CDH18: variants seen among roughly 807,000 people sequenced by gnomAD.
The protein encoded by CDH18 is cadherin 18.
Under a neutral mutation model 67.9 loss-of-function variants are expected in CDH18, and 31 were observed. That is an observed-to-expected ratio of 0.46 (90% CI 0.34 to 0.62). The LOEUF (loss-of-function observed/expected upper bound fraction) is 0.62, where lower values mean the gene tolerates loss of function less well. Among genes scored for constraint, CDH18 ranks in the 20% least tolerant of loss-of-function variants. The pLI, the probability that CDH18 is intolerant of heterozygous loss-of-function variation, is 0.01. For synonymous variants in CDH18, 362 were observed against 347.2 expected, an observed-to-expected ratio of 1.04 and a Z score of -0.48; for missense variants, 890 against 975.5, an observed-to-expected ratio of 0.91 and a Z score of 1.17.
intron 2 of CDH18, among the ~76,000 whole-genome samples, chr5:19,858,621 G>A (rs999724292): frequency 2.6e-5 from 4 of 152,154 alleles, no homozygotes; most frequent in African/African-American, 9.7e-5. Context: ...GTGAGAAAGT[G>A]AAGATAAAGT....
In CDH18 at chr5:20,536,696, A is replaced by C. The variant is rs140581654; in HGVS notation, c.-580+38766T>G. Among the ~76,000 whole-genome samples, 122 of 152,280 alleles carry C rather than the reference A, an allele frequency of 8.0e-4. 1 individual carries two copies. Among genetic ancestry groups the C allele is most frequent in the African/African-American group, 2.6e-3 (109 of 41,566 alleles). On this transcript the variant is annotated intron_variant, in intron 1 of 14. Coordinates refer to the CDH18 transcript ENST00000507958. ...CAGAAAAGGCTTTCAACTTAGAGAA[A>C]ATAGACAGCACAGAACATCCACTGG...
chr5:20,017,800 T>C (rs957255747), intron 2 of CDH18, among the ~76,000 whole-genome samples: 7 of 152,140 alleles, frequency 4.6e-5, no homozygotes, highest in East Asian at 1.9e-4. Context: ...GGATGAAAAC[T>C]TTTCTCTTAG....
At chr5:20,046,356 T>C (rs926692661) in intron 2 of CDH18, among the ~76,000 whole-genome samples, 1 of 151,938 alleles carries the variant, frequency 6.6e-6, no homozygotes, top group Non-Finnish European at 1.5e-5. Flanking sequence ...CCATTGGGCA[T>C]GGCTAGAAAA....
intron 1 of CDH18, among the ~76,000 whole-genome samples, chr5:19,986,900 G>T (rs1399101984): frequency 6.6e-6 from 1 of 152,100 alleles, no homozygotes; most frequent in Admixed American, 6.5e-5. Context: ...CCCCTGCTTT[G>T]AAAAATCTGT....
At chr5:20,214,036 A>C (rs1055821379) in intron 2 of CDH18, among the ~76,000 whole-genome samples, 2 of 151,988 alleles carry the variant, frequency 1.3e-5, no homozygotes, top group African/African-American at 4.8e-5. Flanking sequence ...CATTCCTATA[A>C]ACCAACAGCA....
chr5:20,130,058 A>ATATTATTATTATTATTATTATTAT (rs1249877883), intron 2 of CDH18, among the ~76,000 whole-genome samples: 1 of 140,430 alleles, frequency 7.1e-6, no homozygotes, highest in African/African-American at 2.6e-5. Flanking sequence ...TTTAGTGGCA[A>ATATTATTATTATTATTATTATTAT]TATTATTATT....
chr5:20,036,006 G>A (rs1454334843), intron 2 of CDH18, among the ~76,000 whole-genome samples: 2 of 151,832 alleles, frequency 1.3e-5, no homozygotes, highest in Non-Finnish European at 2.9e-5. Context: ...AAGTTTGAGG[G>A]ATGAAGAACA....
At chr5:20,123,121 C>A (rs1301458469) in intron 2 of CDH18, among the ~76,000 whole-genome samples, 4 of 150,702 alleles carry the variant, frequency 2.7e-5, no homozygotes, top group Non-Finnish European at 4.4e-5. Flanking sequence ...AATTTTGGAT[C>A]ATTTATTTTC....
At chr5:20,279,143 G>A (rs2126690801) in intron 1 of CDH18, among the ~76,000 whole-genome samples, 1 of 151,948 alleles carries the variant, frequency 6.6e-6, no homozygotes, top group Non-Finnish European at 1.5e-5. Context: ...TCAAAGATCT[G>A]CTACCTACAA....
intron 11 of CDH18, among the ~76,000 whole-genome samples, chr5:19,488,926 G>C (rs1019775450): frequency 1.3e-5 from 2 of 151,938 alleles, no homozygotes; most frequent in Non-Finnish European, 2.9e-5. Context: ...ATCTCAGTTT[G>C]CAAACATCCT....
intron 1 of CDH18, among the ~76,000 whole-genome samples, chr5:20,286,001 A>G (rs1746670877): frequency 6.6e-6 from 1 of 151,636 alleles, no homozygotes; most frequent in Non-Finnish European, 1.5e-5. Context: ...ATTTTCTTTT[A>G]AACAAAACAA....
intron 2 of CDH18, among the ~76,000 whole-genome samples, chr5:20,188,848 C>CAAA (rs11390844): frequency 0.5 from 61,661 of 124,426 alleles, 15,101 homozygotes; most frequent in Middle Eastern, 0.62. Context: ...ATTTTCTAGG[C>CAAA]AAAAAAAAAA....
At chr5:20,046,898 C>T (rs1043995672) in intron 2 of CDH18, among the ~76,000 whole-genome samples, 1 of 151,666 alleles carries the variant, frequency 6.6e-6, no homozygotes, top group Non-Finnish European at 1.5e-5. Flanking sequence ...ACATCTCTTT[C>T]AAGAAATTTT....
chr5:19,822,820 G>T (rs185102716), intron 3 of CDH18, among the ~76,000 whole-genome samples: 1 of 151,934 alleles, frequency 6.6e-6, no homozygotes, highest in Non-Finnish European at 1.5e-5. Context: ...TTGAGAGGAG[G>T]CAACTGGTCT....
At chr5:20,472,729 G>C (rs1752177692) in intron 1 of CDH18, among the ~76,000 whole-genome samples, 2 of 152,136 alleles carry the variant, frequency 1.3e-5, no homozygotes, top group African/African-American at 4.8e-5. Flanking sequence ...GACGATGCCT[G>C]AGTTACTTGT....
rs60858438 is a variant in CDH18 at position 20,573,806 on chromosome 5, A to AAT, written c.-580+1654_-580+1655dup. ...TCCCCCAAATATAATACTTAAAAGA[A>AAT]ATATATATATATATATATATATATA... On this transcript the variant is annotated intron_variant, in intron 1 of 14. Transcript: ENST00000507958. Among the ~76,000 whole-genome samples the AAT allele has an allele frequency of 6.9e-3, 811 of 118,138 alleles. 67 individuals are homozygous for AAT. The highest frequency in any genetic ancestry group is 0.048 in the East Asian group (143 of 2,964). 77.5% of individuals were successfully genotyped at this position (118,138 alleles called of 152,430 possible).
At chr5:20,123,863 G>T (rs978787174) in intron 2 of CDH18, among the ~76,000 whole-genome samples, 4 of 148,598 alleles carry the variant, frequency 2.7e-5, no homozygotes, top group Non-Finnish European at 5.9e-5. Context: ...CTCCAGCCTG[G>T]GAGACAGAGC....
chr5:20,054,833 C>T (rs1202723960), intron 2 of CDH18, among the ~76,000 whole-genome samples: 1 of 152,154 alleles, frequency 6.6e-6, no homozygotes, highest in Non-Finnish European at 1.5e-5. Context: ...GGACTGACTG[C>T]TTTGAGTCAG....
At chr5:20,511,591 A>G (rs375532810) in intron 1 of CDH18, among the ~76,000 whole-genome samples, 25 of 152,326 alleles carry the variant, frequency 1.6e-4, no homozygotes, top group African/African-American at 6.0e-4. Flanking sequence ...TGCAATGTCC[A>G]TGCTTGCTGA....
Sources: allele counts gnomAD v4.1 joint callset (sites outside exome capture counted in the v4.1 genomes callset), GRCh38; gene constraint gnomAD v4.1.1; transcripts MANE v1.5; gene names NCBI Gene and HGNC (gene_info 2026-07-23, HGNC 2026-07-21).